Variants in HHAT observed in about 807,000 individuals in gnomAD.
HHAT encodes the protein hedgehog acyltransferase.
A neutral mutation model predicts 70.8 loss-of-function variants in HHAT; 47 were observed. The ratio of observed to expected loss-of-function variants is 0.66; its 90% CI spans 0.53 to 0.85. HHAT has a LOEUF of 0.85. HHAT is among the 40% of genes least tolerant of loss of function. HHAT has a pLI of 0.00. For missense variants in HHAT, 609 were observed against 604.8 expected, an observed-to-expected ratio of 1.01 and a Z score of -0.07; for synonymous variants, 228 against 247.6, an observed-to-expected ratio of 0.92 and a Z score of 0.74.
chr1:210,654,475 T>C (rs927535297), intron 11 of HHAT, among the ~76,000 whole-genome samples: 10 of 152,220 alleles, frequency 6.6e-5, no homozygotes, highest in African/African-American at 2.4e-4. Context: ...AGAAAAGGCA[T>C]AATAAATGTT....
chr1:210,333,835 T>A (rs1239132863), intron 1 of HHAT, among the ~76,000 whole-genome samples: 7 of 152,106 alleles, frequency 4.6e-5, no homozygotes, highest in Admixed American at 4.6e-4. Flanking sequence ...TTTTGTAGTT[T>A]TAGTAGAGAC....
At chr1:210,528,333 GAGAA>G (rs2095274738) in intron 9 of HHAT, among the ~76,000 whole-genome samples, 2 of 152,208 alleles carry the variant, frequency 1.3e-5, no homozygotes, top group South Asian at 4.1e-4. Flanking sequence ...GGAGGAAAAA[GAGAA>G]AGAAGGTTCT....
chr1:210,381,764 CA>C (rs1047860187), intron 3 of HHAT, among the ~76,000 whole-genome samples: 7 of 151,984 alleles, frequency 4.6e-5, no homozygotes, highest in African/African-American at 1.4e-4. Context: ...GGACTGATTA[CA>C]AAAAAAATCC....
At chr1:210,512,871 A>C (rs937166250) in intron 8 of HHAT, among the ~76,000 whole-genome samples, 2 of 152,124 alleles carry the variant, frequency 1.3e-5, no homozygotes, top group African/African-American at 4.8e-5. Context: ...ACTAGAGAGC[A>C]GTGTTTCTGC....
chr1:210,476,960 A>G (rs565142352), intron 8 of HHAT, among the ~76,000 whole-genome samples: 1 of 152,348 alleles, frequency 6.6e-6, no homozygotes, highest in Non-Finnish European at 1.5e-5. Flanking sequence ...CCACGGCTCC[A>G]TAGACTGCCT....
chr1:210,526,787 A>G (rs1325606229), intron 9 of HHAT, among the ~76,000 whole-genome samples: 2 of 152,204 alleles, frequency 1.3e-5, no homozygotes, highest in African/African-American at 4.8e-5. Flanking sequence ...GTGCCAGCCA[A>G]TACAGTAGCT....
At chr1:210,670,365 A>G (rs1679831041) in intron 11 of HHAT, among the ~76,000 whole-genome samples, 1 of 152,198 alleles carries the variant, frequency 6.6e-6, no homozygotes, top group South Asian at 2.1e-4. Flanking sequence ...CTTGTGAAGT[A>G]GTTGGCTGAG....
At position 210,454,955 on chromosome 1, in the gene HHAT, A is replaced by C. The variant is rs1297923042; in HGVS notation, c.857-9550A>C. Among the ~76,000 whole-genome samples the C allele has an allele frequency of 3.3e-5, 5 of 152,218 alleles. No homozygotes were observed. In the East Asian group the frequency reaches 9.6e-4, roughly 29 times the overall value. On this transcript the variant is annotated intron_variant, in intron 7 of 11. Coordinates refer to ENST00000261458, the MANE Select transcript of HHAT (RefSeq NM_018194.6). Reference sequence around the variant, plus strand: ...CAGTTTGGTGTTAAAGAAAAAGAAGAAACAGTTACCTGGGAGAGTGTTAGT... The same window carrying C: ...CAGTTTGGTGTTAAAGAAAAAGAAGCAACAGTTACCTGGGAGAGTGTTAGT...
At chr1:210,526,253 G>A (rs1317499406) in intron 9 of HHAT, among the ~76,000 whole-genome samples, 1 of 152,046 alleles carries the variant, frequency 6.6e-6, no homozygotes, top group Non-Finnish European at 1.5e-5. Context: ...AGCAGTGGTG[G>A]TGTAATTTGT....
At chr1:210,423,123 T>C (rs548052975) in intron 7 of HHAT, among the ~76,000 whole-genome samples, 5 of 152,316 alleles carry the variant, frequency 3.3e-5, no homozygotes, top group African/African-American at 9.6e-5. Flanking sequence ...GTTCTATTTG[T>C]AGTTTTTTGA....
intron 8 of HHAT, among the ~76,000 whole-genome samples, chr1:210,512,424 C>T (rs1471202595): frequency 6.6e-6 from 1 of 152,020 alleles, no homozygotes; most frequent in South Asian, 2.1e-4. Context: ...CCTGTAATCC[C>T]AGCACTTTGG....
rs965822184 is a variant in HHAT at position 210,675,728 on chromosome 1, T to G, written c.*1349T>G. On this transcript the variant is annotated 3_prime_UTR_variant, in exon 12 of 12. Coordinates refer to ENST00000261458, the MANE Select transcript of HHAT (RefSeq NM_018194.6). ...GTTGATTGTCTTTCTTCATAGCTTCTCTGCTTGGCAAAGAGATGGGAGGGG... is the reference window on the plus strand; with the variant it reads ...GTTGATTGTCTTTCTTCATAGCTTCGCTGCTTGGCAAAGAGATGGGAGGGG... 2 of 152,250 alleles carry G rather than the reference T, an allele frequency of 1.3e-5. No individual in the cohort carries two copies. The highest frequency in any genetic ancestry group is 2.9e-5 in the Non-Finnish European group (2 of 68,096). 9.4% of individuals were successfully genotyped at this position (152,250 alleles called of 1,614,324 possible). A position where few individuals can be genotyped will look rare whatever the true frequency, so the allele number is the denominator to read the frequency against.
At chr1:210,494,131 C>T (rs2094594216) in intron 8 of HHAT, among the ~76,000 whole-genome samples, 1 of 152,224 alleles carries the variant, frequency 6.6e-6, no homozygotes, top group Non-Finnish European at 1.5e-5. Context: ...GCAATATCAC[C>T]TTGTCTCTAT....
intron 9 of HHAT, among the ~76,000 whole-genome samples, chr1:210,529,122 T>C (rs997716564): frequency 6.6e-6 from 1 of 152,072 alleles, no homozygotes; most frequent in Non-Finnish European, 1.5e-5. Context: ...CTAGCCAAGA[T>C]AGTGAAACCC....
At chr1:210,651,310 A>G (rs560394120) in intron 11 of HHAT, among the ~76,000 whole-genome samples, 2 of 152,322 alleles carry the variant, frequency 1.3e-5, no homozygotes, top group East Asian at 1.9e-4. Context: ...CAGAGACTAT[A>G]CTAGGTATTT....
At chr1:210,499,965 T>C (rs2094722133) in intron 8 of HHAT, among the ~76,000 whole-genome samples, 1 of 152,204 alleles carries the variant, frequency 6.6e-6, no homozygotes, top group African/African-American at 2.4e-5. Flanking sequence ...ATTTTCAAAA[T>C]TTGTAAGTAT....
At chr1:210,468,382 T>C (rs1328872623) in intron 8 of HHAT, among the ~76,000 whole-genome samples, 1 of 152,134 alleles carries the variant, frequency 6.6e-6, no homozygotes, top group Non-Finnish European at 1.5e-5. Context: ...GAGTTGTGGG[T>C]CAGTTTCAAT....
intron 10 of HHAT, among the ~76,000 whole-genome samples, chr1:210,597,282 G>GCTGGGT (rs1489568209): frequency 2.0e-5 from 3 of 152,188 alleles, no homozygotes; most frequent in African/African-American, 7.2e-5. Context: ...CAGACCTGAA[G>GCTGGGT]CTAGCACAGT....
chr1:210,401,962 T>A (rs767430459), intron 5 of HHAT, among the ~76,000 whole-genome samples: 2 of 152,216 alleles, frequency 1.3e-5, no homozygotes, highest in Non-Finnish European at 2.9e-5. Context: ...AATTGAAGCT[T>A]AGGCCCCTCA....
Sources: gnomAD v4.1 joint callset for allele counts (sites outside exome capture counted in the v4.1 genomes callset) on GRCh38, gnomAD v4.1.1 for gene constraint, MANE v1.5 for transcripts, NCBI Gene and HGNC (gene_info 2026-07-23, HGNC 2026-07-21) for gene names.